The following PTPRM variants were observed in gnomAD, a reference collection of about 807,000 sequenced individuals.
The protein encoded by PTPRM is receptor-type tyrosine-protein phosphatase mu.
PTPRM carries 47 observed loss-of-function variants against 186.7 expected under a neutral mutation model. The observed-to-expected ratio is 0.25, with a 90% confidence interval of 0.20 to 0.32. PTPRM has a LOEUF of 0.32. Ranked by LOEUF, PTPRM falls within the 10% of genes least tolerant of loss-of-function variation. The pLI is 1.00. For missense variants in PTPRM, 1,494 were observed against 1,865.0 expected (o/e 0.80, Z 3.66); for synonymous variants, 668 against 674.9 (o/e 0.99, Z 0.16).
At chr18:7,738,378 G>A (rs2040815829) in intron 1 of PTPRM, among the ~76,000 whole-genome samples, 5 of 152,140 alleles carry the variant, frequency 3.3e-5, no homozygotes, top group Admixed American at 3.3e-4. Context: ...AGGCCAGTTG[G>A]CGAGAGGTCA....
intron 24 of PTPRM, among the ~76,000 whole-genome samples, chr18:8,371,498 T>C (rs1055338823): frequency 2.6e-5 from 4 of 152,192 alleles, no homozygotes; most frequent in African/African-American, 9.6e-5. Context: ...TGATGGATTT[T>C]CCAGGTGGAA....
intron 32 of PTPRM, among the ~76,000 whole-genome samples, chr18:8,400,033 T>C (rs554017527): frequency 1.3e-5 from 2 of 152,270 alleles, no homozygotes; most frequent in East Asian, 3.9e-4. Context: ...CAGTGCATGC[T>C]CTTGCACCGG....
chr18:8,217,647 C>T (rs1316636936), intron 14 of PTPRM, among the ~76,000 whole-genome samples: 2 of 152,124 alleles, frequency 1.3e-5, no homozygotes, highest in African/African-American at 2.4e-5. Flanking sequence ...TACACTGTTC[C>T]ACCTTTAGTG....
At chr18:8,306,078 G>A (rs181413838) in intron 20 of PTPRM, among the ~76,000 whole-genome samples, 46 of 152,012 alleles carry the variant, frequency 3.0e-4, no homozygotes, top group African/African-American at 1.0e-3. Context: ...TGTATTTTTG[G>A]TAGAGACGGA....
At chr18:7,793,235 C>T (rs2043434417) in intron 2 of PTPRM, among the ~76,000 whole-genome samples, 1 of 152,172 alleles carries the variant, frequency 6.6e-6, no homozygotes, top group Non-Finnish European at 1.5e-5. Flanking sequence ...TAAGAGCACC[C>T]TGACTTCACC....
At position 7,865,898 on chromosome 18, in the gene PTPRM, G is replaced by A. The variant is rs542224093; in HGVS notation, c.197-22208G>A. Among the ~76,000 whole-genome samples, 5 of 152,102 alleles carry A rather than the reference G, an allele frequency of 3.3e-5. No homozygotes were observed. The South Asian group carries it at 1.0e-3, about 32-fold the overall frequency. On this transcript the variant is annotated intron_variant, in intron 2 of 32. Transcript: ENST00000580170. ...ATCTATTCAGGGATTTGACTTCTTC[G>A]TGGTTTAGACTTGGGAGGGTGTATG...
chr18:8,008,296 T>C (rs995238508), intron 7 of PTPRM, among the ~76,000 whole-genome samples: 1 of 152,014 alleles, frequency 6.6e-6, no homozygotes, highest in Non-Finnish European at 1.5e-5. Flanking sequence ...GCAGAATAAA[T>C]CACTGAGAAA....
At chr18:8,229,823 TTA>T (rs962462745) in intron 14 of PTPRM, among the ~76,000 whole-genome samples, 24 of 152,218 alleles carry the variant, frequency 1.6e-4, no homozygotes, top group Admixed American at 4.6e-4. Context: ...GTACACATGG[TTA>T]TATATATATG....
At chr18:8,082,381 G>T (rs2090172810) in intron 9 of PTPRM, among the ~76,000 whole-genome samples, 1 of 152,072 alleles carries the variant, frequency 6.6e-6, no homozygotes, top group Non-Finnish European at 1.5e-5. Flanking sequence ...CCAGGTTTAG[G>T]AAGGCTTTAC....
At chr18:8,030,786 A>C (rs2085913928) in intron 7 of PTPRM, among the ~76,000 whole-genome samples, 1 of 152,200 alleles carries the variant, frequency 6.6e-6, no homozygotes, top group Non-Finnish European at 1.5e-5. Flanking sequence ...GTAGGTCCTC[A>C]ATATGTTGAT....
intron 2 of PTPRM, among the ~76,000 whole-genome samples, chr18:7,880,988 T>C (rs997486802): frequency 1.3e-5 from 2 of 152,156 alleles, no homozygotes; most frequent in Non-Finnish European, 2.9e-5. Flanking sequence ...CAAAATGCAA[T>C]TGAGTTAGAA....
chr18:7,945,657 T>G (rs115334286), intron 5 of PTPRM, among the ~76,000 whole-genome samples: 1,879 of 152,308 alleles, frequency 0.012, 28 homozygotes, highest in African/African-American at 0.043. Flanking sequence ...CTCTGTGCTA[T>G]GGGAGGCAGT....
intron 1 of PTPRM, among the ~76,000 whole-genome samples, chr18:7,765,194 G>A (rs114659693): frequency 6.6e-6 from 1 of 152,082 alleles, no homozygotes; most frequent in Non-Finnish European, 1.5e-5. Flanking sequence ...GGAATCCATA[G>A]ATTGATATGA....
intron 7 of PTPRM, among the ~76,000 whole-genome samples, chr18:8,023,007 A>T (rs1415119427): frequency 6.6e-6 from 1 of 152,148 alleles, no homozygotes; most frequent in African/African-American, 2.4e-5. Flanking sequence ...CGTCCTCTTT[A>T]TTCAGTCACC....
chr18:7,568,196 A>C lies in PTPRM; in HGVS notation c.73+305A>C, dbSNP rs1441133441. ...TAGTGCTCAAGGTTGGGCGGCTTGC[A>C]CTCTTGAGTCCCTGGCCGGCTGCAA... On this transcript the variant is annotated intron_variant, in intron 1 of 32. Coordinates refer to ENST00000580170, the MANE Select transcript of PTPRM (RefSeq NM_001105244.2). The surrounding 1 kb of genome is among the most constrained non-coding windows in gnomAD (Gnocchi z 5.1). Among the ~76,000 whole-genome samples, 1 of 151,596 alleles carries C rather than the reference A, an allele frequency of 6.6e-6. No individual in the cohort carries two copies. The highest frequency in any genetic ancestry group is 2.4e-5 in the African/African-American group (1 of 41,326).
At chr18:8,379,423 C>T in intron 28 of PTPRM, 83 bp downstream of exon 28, 3 of 1,320,128 alleles carry the variant, frequency 2.3e-6, no homozygotes, top group Non-Finnish European at 2.0e-6. Flanking sequence ...CCCCATTCTG[C>T]TCACCAGCCC....
intron 19 of PTPRM, among the ~76,000 whole-genome samples, chr18:8,286,217 C>G (rs560754646): frequency 6.6e-6 from 1 of 152,188 alleles, no homozygotes; most frequent in African/African-American, 2.4e-5. Flanking sequence ...TTCCCATCTG[C>G]TAGTTGCAAC....
intron 2 of PTPRM, among the ~76,000 whole-genome samples, chr18:7,813,555 C>G (rs2044643771): frequency 6.6e-6 from 1 of 152,170 alleles, no homozygotes; most frequent in South Asian, 2.1e-4. Context: ...TCCTATTCAT[C>G]CTGCTTGGAA....
chr18:8,187,096 C>T (rs760061722), intron 14 of PTPRM, among the ~76,000 whole-genome samples: 2 of 152,000 alleles, frequency 1.3e-5, no homozygotes, highest in African/African-American at 2.4e-5. Context: ...CATGCCACCA[C>T]GCTGGGCAAA....
Sources: gnomAD v4.1 joint callset for allele counts (sites outside exome capture counted in the v4.1 genomes callset) on GRCh38, gnomAD v4.1.1 for gene constraint, Gnocchi (gnomAD v3.1) non-coding constraint, MANE v1.5 for transcripts, NCBI Gene and HGNC (gene_info 2026-07-23, HGNC 2026-07-21) for gene names.